The following MEF2C variants were observed in gnomAD, a reference collection of about 807,000 sequenced individuals.
MEF2C encodes the protein myocyte-specific enhancer factor 2C.
Under a neutral mutation model 50.5 loss-of-function variants are expected in MEF2C, and 6 were observed. The observed-to-expected ratio is 0.12, with a 90% CI of 0.07 to 0.23. MEF2C has a LOEUF of 0.23. Ranked by LOEUF, MEF2C falls within the 10% of genes least tolerant of loss-of-function variation. MEF2C has a pLI of 1.00. For missense variants in MEF2C, 276 were observed against 605.0 expected (o/e 0.46, Z 5.70); for synonymous variants, 183 against 228.0 (o/e 0.80, Z 1.78).
intron 1 of MEF2C, among the ~76,000 whole-genome samples, chr5:88,864,739 T>A (rs1826709090): frequency 6.6e-6 from 1 of 151,774 alleles, no homozygotes; most frequent in Non-Finnish European, 1.5e-5. Context: ...AACAGGCATA[T>A]GCCACACCAT....
At chr5:88,726,973 T>C (rs1759099030) in intron 10 of MEF2C, among the ~76,000 whole-genome samples, 1 of 152,150 alleles carries the variant, frequency 6.6e-6, no homozygotes, top group Non-Finnish European at 1.5e-5. Flanking sequence ...CTATAATGGA[T>C]GAATTTTGTG....
intron 1 of MEF2C, chr5:88,838,835 A>G: frequency 3.4e-6 from 2 of 582,338 alleles, no homozygotes; most frequent in Non-Finnish European, 2.2e-6. Context: ...TCAAAATTTT[A>G]TACAGTTACC....
At chr5:88,795,515 G>A (rs1037546973) in intron 3 of MEF2C, among the ~76,000 whole-genome samples, 9 of 152,136 alleles carry the variant, frequency 5.9e-5, no homozygotes, top group South Asian at 2.1e-4. Flanking sequence ...TGCTGAATTT[G>A]CTTATCAGCT....
Position 88,869,862 on chromosome 5 carries a change from G to A in MEF2C, c.-143+13093C>T, listed in dbSNP as rs182104119. On this transcript the variant is annotated intron_variant, in intron 1 of 10. Transcript: ENST00000504921. ...TCACATTATTTTGTGAAAGGATGGTGTATCACGCGTCTCTATATGGGCTAA... is the reference window on the plus strand; with the variant it reads ...TCACATTATTTTGTGAAAGGATGGTATATCACGCGTCTCTATATGGGCTAA... 2.0e-5 allele frequency among the ~76,000 whole-genome samples: 3 copies of A among 150,396 alleles called. No individual in the cohort carries two copies. In the East Asian group the frequency reaches 5.8e-4, roughly 29 times the overall value.
chr5:88,837,348 C>T (rs1259400829), intron 1 of MEF2C, among the ~76,000 whole-genome samples: 2 of 152,122 alleles, frequency 1.3e-5, no homozygotes, highest in East Asian at 1.9e-4. Context: ...AGATCAGGTG[C>T]AGAAAATTGC....
chr5:88,720,853 A>G lies in MEF2C; in HGVS notation c.*1751T>C, dbSNP rs1756101381. On this transcript the variant is annotated 3_prime_UTR_variant, in exon 11 of 11. Transcript: ENST00000504921. ...ATGGGATTTCTTGAAATGGCTATTA[A>G]ATCTCTTTATTGAAGAAAAAATAGA... is the stretch of plus-strand genomic sequence containing the variant. The G allele has an allele frequency of 6.6e-6, 1 of 152,604 alleles. No homozygotes were observed. Among genetic ancestry groups the G allele is most frequent in the African/African-American group, 2.4e-5 (1 of 41,448 alleles). The allele number at this position is 152,604 out of a possible 1,614,324, so 9.5% of individuals were successfully genotyped here.
rs190243829 is a variant in MEF2C at position 88,901,942 on chromosome 5, C to T, written c.-240+1974G>A. Among the ~76,000 whole-genome samples, 507 of 151,818 alleles carry T rather than the reference C, an allele frequency of 3.3e-3. 2 individuals carry two copies. Among genetic ancestry groups the T allele is most frequent in the African/African-American group, 0.012 (488 of 41,454 alleles). ...GCTTCATTTATACTTAAATAATTGA[C>T]AGAGTCATAAACAATAGTTTGGCAG... On this transcript the variant is annotated intron_variant, in intron 1 of 11. Coordinates refer to the MEF2C transcript ENST00000340208.
At chr5:88,769,288 G>A (rs1781359022) in intron 3 of MEF2C, among the ~76,000 whole-genome samples, 1 of 152,124 alleles carries the variant, frequency 6.6e-6, no homozygotes, top group African/African-American at 2.4e-5. Context: ...ATTCTCCTGG[G>A]CTTTTACATT....
In MEF2C at chr5:88,749,116, A is replaced by G; in HGVS notation, c.591T>C (p.Gly197=). The change falls in exon 6 of 11, where the codon GGT becomes GGC. Residue 197 remains glycine (G), a splice_region_variant and synonymous_variant. Transcript: ENST00000504921. ...ACGTGAGGTCTCCACCCATCAGACC[A>G]CCTATGGATTAAAGAGGAAGATCAA... is the stretch of plus-strand genomic sequence containing the variant. ...THRPPSAGNT[G]GLMGGDLTSG... is the part of the protein sequence containing the mutation. The G allele has an allele frequency of 6.4e-7, 1 of 1,568,720 alleles. No individual in the cohort carries two copies. The highest frequency in any genetic ancestry group is 8.6e-7 in the Non-Finnish European group (1 of 1,157,008).
In MEF2C at chr5:88,780,844, T is replaced by C. The variant is rs1013199864; in HGVS notation, c.259-19516A>G. 48 of 985,404 alleles carry C rather than the reference T, an allele frequency of 4.9e-5. No homozygotes were observed. In the African/African-American group the frequency reaches 7.1e-4, roughly 15 times the overall value. 61.0% of individuals were successfully genotyped at this position (985,404 alleles called of 1,614,324 possible). ...AAATCTCAATCAACCTACCCCCTTC[T>C]CTTTCTCCCTACATCTCTCTCGTTC... On this transcript the variant is annotated intron_variant, in intron 3 of 10. Coordinates refer to ENST00000504921, the MANE Select transcript of MEF2C (RefSeq NM_002397.5).
At chr5:88,814,829 T>C (rs887658336) in intron 2 of MEF2C, among the ~76,000 whole-genome samples, 11 of 152,122 alleles carry the variant, frequency 7.2e-5, no homozygotes. Context: ...ACAGCTGAAT[T>C]CTGATGCATT....
intron 1 of MEF2C, among the ~76,000 whole-genome samples, chr5:88,857,372 G>A (rs1823825422): frequency 6.6e-6 from 1 of 152,208 alleles, no homozygotes; most frequent in Non-Finnish European, 1.5e-5. Context: ...ATAGGTGGAA[G>A]GGACTTGCCG....
chr5:88,869,252 C>A (rs1022080830), intron 1 of MEF2C, among the ~76,000 whole-genome samples: 1 of 89,996 alleles, frequency 1.1e-5, no homozygotes, highest in Non-Finnish European at 2.2e-5. Context: ...AACTAGTTTT[C>A]ATATATATAT....
chr5:88,850,956 T>G lies in MEF2C; in HGVS notation c.-142-27026A>C, dbSNP rs148295071. Among the ~76,000 whole-genome samples, 439 of 152,190 alleles carry G rather than the reference T, an allele frequency of 2.9e-3. 3 individuals carry two copies. The highest frequency in any genetic ancestry group is 0.01 in the African/African-American group (419 of 41,546). On this transcript the variant is annotated intron_variant, in intron 1 of 10. Coordinates refer to ENST00000504921, the MANE Select transcript of MEF2C (RefSeq NM_002397.5). ...ATGATGATCCACTTTAACTTAATATTTTCTCTTTTCTATGATTTTCTTAAG... is the reference window on the plus strand; with the variant it reads ...ATGATGATCCACTTTAACTTAATATGTTCTCTTTTCTATGATTTTCTTAAG...
chr5:88,820,490 T>C (rs1366226097), intron 2 of MEF2C, among the ~76,000 whole-genome samples: 1 of 152,054 alleles, frequency 6.6e-6, no homozygotes, highest in Non-Finnish European at 1.5e-5. Flanking sequence ...CTTAATGATA[T>C]ACAACTTATA....
chr5:88,850,601 T>C (rs1029766770), intron 1 of MEF2C, among the ~76,000 whole-genome samples: 3 of 152,090 alleles, frequency 2.0e-5, no homozygotes, highest in Non-Finnish European at 4.4e-5. Flanking sequence ...ATGCCCAGAA[T>C]GCCCTTCACT....
At chr5:88,860,649 T>C (rs984655206) in intron 1 of MEF2C, among the ~76,000 whole-genome samples, 1 of 152,192 alleles carries the variant, frequency 6.6e-6, no homozygotes, top group Admixed American at 6.5e-5. Flanking sequence ...TCTGGAAGTG[T>C]TGGCCCCACC....
At chr5:88,734,272 ATC>A in intron 6 of MEF2C, 1 of 985,392 alleles carries the variant, frequency 1.0e-6, no homozygotes, top group Non-Finnish European at 1.2e-6. Context: ...TATGTCACTT[ATC>A]TATTAAGCCT....
chr5:88,868,619 C>G (rs1489289216), intron 1 of MEF2C, among the ~76,000 whole-genome samples: 1 of 152,116 alleles, frequency 6.6e-6, no homozygotes, highest in Non-Finnish European at 1.5e-5. Context: ...AATTCTCCCC[C>G]ACCTCTACCA....
Sources: gnomAD v4.1 joint callset for allele counts (sites outside exome capture counted in the v4.1 genomes callset) on GRCh38, gnomAD v4.1.1 for gene constraint, MANE v1.5 for transcripts, NCBI Gene and HGNC (gene_info 2026-07-23, HGNC 2026-07-21) for gene names.